The following AXIN2 variants were observed in gnomAD, a reference collection of about 807,000 sequenced individuals.
AXIN2 encodes axin 2.
Under a neutral mutation model 74.7 loss-of-function variants are expected in AXIN2, and 21 were observed. That is an observed-to-expected ratio of 0.28 (90% CI 0.20 to 0.40). The LOEUF is 0.40. Among genes scored for constraint, AXIN2 ranks in the 10% least tolerant of loss-of-function variants. The pLI is 1.00. For missense variants in AXIN2, 1,144 were observed against 1,111.1 expected (o/e 1.03, Z -0.42); for synonymous variants, 532 against 454.9 (o/e 1.17, Z -2.16).
Position 65,537,359 on chromosome 17 carries a change from G to A in AXIN2, c.1677C>T (p.Ser559=), listed in dbSNP as rs773383779. 5.0e-6 allele frequency: 8 copies of A among 1,614,174 alleles called. No individual in the cohort carries two copies. Among genetic ancestry groups the A allele is most frequent in the South Asian group, 3.3e-5 (3 of 91,088 alleles). ...CGCTGGGCATGGTTTCCGGAGCCTT[G>A]GAGTGGCTTTTGCATTTCGAGTAGC... The part of the protein sequence containing the change: ...YYCYSKCKSH[S]KAPETMPSEQ... The change falls in exon 6 of 11, where the codon TCC becomes TCT. Residue 559 remains serine, a synonymous_variant. Transcript: ENST00000307078.
intron 1 of AXIN2, 79 bp from the exon 2 acceptor site, chr17:65,558,815 AAAGC>A: frequency 1.6e-6 from 1 of 618,332 alleles, no homozygotes; most frequent in Non-Finnish European, 2.8e-6. Context: ...ACCCAACATC[AAAGC>A]AAGAAAGTAA....
rs1340026940 is a variant in AXIN2, at chr17:65,558,770, G to A, written c.-116-34C>T. 77 of 801,856 alleles carry A rather than the reference G, an allele frequency of 9.6e-5. 1 individual carries two copies. The highest frequency in any genetic ancestry group is 1.0e-5 in the Non-Finnish European group (5 of 485,342). The allele number at this position is 801,856 out of a possible 1,614,324, so 49.7% of individuals were successfully genotyped here. A position where few individuals can be genotyped will look rare whatever the true frequency, so the allele number is the denominator to read the frequency against. On this transcript the variant is annotated intron_variant, in intron 1 of 10. Coordinates refer to ENST00000307078, the MANE Select transcript of AXIN2 (RefSeq NM_004655.4). The stretch of plus-strand genomic sequence containing the variant: ...AAAAGGAAGGGGGGAGGTGGGGAGA[G>A]AGAAAAGGGTATTGATCTAATCAAA...
intron 7 of AXIN2, 81 bp from the exon 8 acceptor site, chr17:65,536,634 C>G: frequency 6.7e-7 from 1 of 1,498,538 alleles, no homozygotes; most frequent in Non-Finnish European, 9.3e-7. Context: ...TCAATAGAAA[C>G]TTGTCTATTC....
At chr17:65,532,999 C>T (rs1206625742) in intron 10 of AXIN2, among the ~76,000 whole-genome samples, 1 of 152,200 alleles carries the variant, frequency 6.6e-6, no homozygotes, top group African/African-American at 2.4e-5. Context: ...GGGCTGCAGG[C>T]CATGGAGAGG....
At chr17:65,533,540 C>T (rs949174229) in intron 10 of AXIN2, among the ~76,000 whole-genome samples, 6 of 152,188 alleles carry the variant, frequency 3.9e-5, no homozygotes, top group African/African-American at 1.4e-4. Flanking sequence ...TCTTTTTGCT[C>T]CCTGCTCCCC....
chr17:65,550,847 T>C (rs2044181132), intron 2 of AXIN2, among the ~76,000 whole-genome samples: 2 of 151,974 alleles, frequency 1.3e-5, no homozygotes, highest in South Asian at 2.1e-4. Flanking sequence ...CATGGCCTGG[T>C]GGGGGCATGT....
chr17:65,541,008 C>T (rs1188646428), intron 4 of AXIN2, among the ~76,000 whole-genome samples: 1 of 152,168 alleles, frequency 6.6e-6, no homozygotes, highest in Admixed American at 6.5e-5. Context: ...TCCCAAGTAG[C>T]TGGGACTACA....
intron 1 of AXIN2, 76 bp from the exon 2 acceptor site, chr17:65,558,812 A>T (rs1164007066): frequency 1.6e-6 from 1 of 626,200 alleles, no homozygotes; most frequent in African/African-American, 1.8e-5. Flanking sequence ...TCTACCCAAC[A>T]TCAAAGCAAG....
Position 65,541,575 on chromosome 17 carries a change from A to G in AXIN2, c.957-18T>C, listed in dbSNP as rs2144501115. 3 of 1,594,142 alleles carry G rather than the reference A, an allele frequency of 1.9e-6. No homozygotes were observed. The highest frequency in any genetic ancestry group is 2.6e-6 in the Non-Finnish European group (3 of 1,161,740). On this transcript the variant is annotated intron_variant, in intron 3 of 10. Transcript: ENST00000307078. ...TTCCATCTCTAAGGGAAAGGAAAAGACAGAATCCACAGGCTTACGAGGATG... is the reference window on the plus strand; with the variant it reads ...TTCCATCTCTAAGGGAAAGGAAAAGGCAGAATCCACAGGCTTACGAGGATG...
chr17:65,538,421 ACC>A, intron 4 of AXIN2, 78 bp from the exon 5 acceptor site: 1 of 1,581,758 alleles, frequency 6.3e-7, no homozygotes, highest in Non-Finnish European at 8.6e-7. Flanking sequence ...AGCTTCCCGC[ACC>A]AGGCGCTGTG....
At chr17:65,543,316 T>G (rs1392790918) in intron 3 of AXIN2, among the ~76,000 whole-genome samples, 1 of 152,172 alleles carries the variant, frequency 6.6e-6, no homozygotes, top group Non-Finnish European at 1.5e-5. Context: ...CTCCTACTCA[T>G]GAGGCTCGGC....
rs2043946409 is a variant in AXIN2, at chr17:65,537,395, G to C, written c.1641C>G (p.Ser547Arg). The C allele has an allele frequency of 6.2e-7, 1 of 1,614,042 alleles. No homozygotes were observed. Among genetic ancestry groups the C allele is most frequent in the South Asian group, 1.1e-5 (1 of 91,074 alleles). Reference protein sequence around the residue: ...QRVHCFCPGGSEYYCYSKCKS... With the variant: ...QRVHCFCPGGREYYCYSKCKS... ...TGCATTTCGAGTAGCAGTAATACTC[G>C]CTGCCCCCAGGGCAGAAGCAGTGCA... The change falls in exon 6 of 11, where the codon AGC (serine) becomes AGG (arginine). Residue 547 changes from serine to arginine, a missense_variant. Ser to Arg is a moderately radical substitution (Grantham distance 110). Around this residue, in one of 4 missense-constraint regions of AXIN2, gnomAD observed 1,053 missense variants for 973.5 expected, o/e 1.08. Transcript: ENST00000307078.
At chr17:65,544,900 A>G (rs1288030066) in intron 3 of AXIN2, among the ~76,000 whole-genome samples, 1 of 152,334 alleles carries the variant, frequency 6.6e-6, no homozygotes, top group East Asian at 1.9e-4. Context: ...GTCCACTCGC[A>G]TCTTCATTTG....
chr17:65,530,449 G>A (rs1281749084), intron 10 of AXIN2, among the ~76,000 whole-genome samples: 2 of 152,216 alleles, frequency 1.3e-5, no homozygotes, highest in African/African-American at 4.8e-5. Context: ...TGGGGTGGGG[G>A]AGGGAAGGGA....
intron 3 of AXIN2, among the ~76,000 whole-genome samples, chr17:65,545,036 G>C (rs1375733749): frequency 1.3e-5 from 2 of 152,124 alleles, no homozygotes; most frequent in Non-Finnish European, 2.9e-5. Context: ...CCATAAATAA[G>C]ATATAAAGAA....
chr17:65,537,330 T>A lies in AXIN2; in HGVS notation c.1706A>T (p.Gln569Leu). 4 of 1,614,092 alleles carry A rather than the reference T, an allele frequency of 2.5e-6. No homozygotes were observed. Among genetic ancestry groups the A allele is most frequent in the Non-Finnish European group, 3.4e-6 (4 of 1,180,042 alleles). The change falls in exon 6 of 11, where the codon CAG becomes CTG. Residue 569 changes from glutamine (Q) to leucine (L), a missense_variant. This residue lies in a region of AXIN2 where 1,053 missense variants were observed against 973.5 expected (regional missense o/e 1.08). Transcript: ENST00000307078. The stretch of plus-strand genomic sequence containing the variant: ...CGGTCCGCCCGGCACTTACCCAAAC[T>A]GCTCGCTGGGCATGGTTTCCGGAGC... ...SKAPETMPSEQFGGSRGSTLP... is the reference protein window; with the variant it reads ...SKAPETMPSELFGGSRGSTLP...
intron 2 of AXIN2, among the ~76,000 whole-genome samples, chr17:65,557,405 A>AG (rs1279685705): frequency 6.6e-6 from 1 of 152,186 alleles, no homozygotes; most frequent in African/African-American, 2.4e-5. Flanking sequence ...CTGCCTCCCT[A>AG]GCCACATTAA....
intron 4 of AXIN2, among the ~76,000 whole-genome samples, chr17:65,540,802 CCT>C (rs2044029896): frequency 1.3e-5 from 2 of 152,140 alleles, no homozygotes; most frequent in South Asian, 2.1e-4. Flanking sequence ...TTGAAAGCTC[CCT>C]GAGACCTTCA....
At chr17:65,547,234 T>TTTA (rs2044131327) in intron 3 of AXIN2, among the ~76,000 whole-genome samples, 1 of 152,178 alleles carries the variant, frequency 6.6e-6, no homozygotes, top group Non-Finnish European at 1.5e-5. Context: ...CCAGTCTTTC[T>TTTA]AAAAAGCAGT....
Sources: gnomAD v4.1 joint callset for allele counts (sites outside exome capture counted in the v4.1 genomes callset) on GRCh38, gnomAD v4.1.1 for gene constraint, gnomAD v4.1.1 regional missense constraint, MANE v1.5 for transcripts, NCBI Gene and HGNC (gene_info 2026-07-23, HGNC 2026-07-21) for gene names.